The following CCDC148 variants were observed in gnomAD, a reference collection of about 807,000 sequenced individuals.
CCDC148 encodes coiled-coil domain containing 148.
CCDC148 carries 89 observed loss-of-function variants against 85.7 expected under a neutral mutation model. The ratio of observed to expected loss-of-function variants is 1.04; its 90% CI spans 0.87 to 1.24. The LOEUF (loss-of-function observed/expected upper bound fraction) is 1.24, where lower values mean the gene tolerates loss of function less well. CCDC148 is among the 50% of genes most tolerant of loss of function. CCDC148 has a pLI of 0.00. For synonymous variants in CCDC148, 230 were observed against 213.9 expected (o/e 1.08, Z -0.66); for missense variants, 692 against 671.7 (o/e 1.03, Z -0.33).
intron 7 of CCDC148, among the ~76,000 whole-genome samples, chr2:158,316,604 TATAA>T (rs1692293507): frequency 6.6e-6 from 1 of 152,230 alleles, no homozygotes; most frequent in African/African-American, 2.4e-5. Flanking sequence ...GGAAATGATA[TATAA>T]ATACTCACAA....
chr2:158,336,871 G>A (rs561398081), intron 7 of CCDC148, among the ~76,000 whole-genome samples: 145 of 152,116 alleles, frequency 9.5e-4, no homozygotes, highest in African/African-American at 3.1e-3. Context: ...CCTCCCCACC[G>A]TCTTCTGCCT....
At chr2:158,351,457 T>A (rs562328642) in intron 2 of CCDC148, among the ~76,000 whole-genome samples, 124 of 36,082 alleles carry the variant, frequency 3.4e-3, no homozygotes, top group African/African-American at 0.012. Context: ...CCTTTCCGAG[T>A]CAAAGAAAGG....
At chr2:158,284,726 C>A (rs1407314052) in intron 9 of CCDC148, among the ~76,000 whole-genome samples, 1 of 152,158 alleles carries the variant, frequency 6.6e-6, no homozygotes, top group African/African-American at 2.4e-5. Context: ...CAAATTATTT[C>A]TGTGAGCATT....
At chr2:158,357,765 T>C (rs1683737366) in intron 2 of CCDC148, among the ~76,000 whole-genome samples, 1 of 152,038 alleles carries the variant, frequency 6.6e-6, no homozygotes, top group Non-Finnish European at 1.5e-5. Context: ...ATATTAACAA[T>C]AAAAGGCAAA....
chr2:158,326,563 T>G (rs1692788554), intron 7 of CCDC148, among the ~76,000 whole-genome samples: 1 of 152,184 alleles, frequency 6.6e-6, no homozygotes, highest in South Asian at 2.1e-4. Flanking sequence ...TTGCTCCATT[T>G]TCCTTTTGGC....
intron 1 of CCDC148, among the ~76,000 whole-genome samples, chr2:158,418,743 C>A (rs888782517): frequency 3.3e-5 from 5 of 151,584 alleles, no homozygotes; most frequent in African/African-American, 1.2e-4. Flanking sequence ...TGTCTTTCCT[C>A]ACTAGAATAG....
chr2:158,258,856 C>T (rs537896638), intron 9 of CCDC148, among the ~76,000 whole-genome samples: 2 of 151,994 alleles, frequency 1.3e-5, no homozygotes, highest in South Asian at 4.1e-4. Flanking sequence ...TGTCCACACT[C>T]CCACCTCCCT....
chr2:158,454,614 A>T (rs572577071), intron 1 of CCDC148, among the ~76,000 whole-genome samples: 8 of 152,356 alleles, frequency 5.3e-5, no homozygotes, highest in African/African-American at 1.9e-4. Flanking sequence ...GCTTCAGGAG[A>T]GCAGACATTG....
chr2:158,408,039 G>C (rs1342595095), intron 1 of CCDC148, among the ~76,000 whole-genome samples: 1 of 152,090 alleles, frequency 6.6e-6, no homozygotes, highest in Non-Finnish European at 1.5e-5. Flanking sequence ...AGTTTTTCAA[G>C]TTCCATTCAA....
chr2:158,173,169 C>G (rs1388055941), intron 13 of CCDC148, among the ~76,000 whole-genome samples: 1 of 151,930 alleles, frequency 6.6e-6, no homozygotes, highest in African/African-American at 2.4e-5. Flanking sequence ...ATTGAACTAC[C>G]CTTAAAGTCC....
chr2:158,382,067 T>C (rs763052376), intron 1 of CCDC148, among the ~76,000 whole-genome samples: 9 of 152,094 alleles, frequency 5.9e-5, no homozygotes, highest in Admixed American at 1.3e-4. Context: ...AGTGTGTATT[T>C]GCCCCTTCCA....
intron 2 of CCDC148, among the ~76,000 whole-genome samples, 173 bp downstream of exon 2, chr2:158,358,276 T>C (rs1296593640): frequency 6.6e-6 from 1 of 152,230 alleles, no homozygotes; most frequent in African/African-American, 2.4e-5. Context: ...GTAAACTATA[T>C]AATGGTGTCC....
chr2:158,171,370 TTGAG>T lies in CCDC148; in HGVS notation c.*739_*742del, dbSNP rs1319091221. On this transcript the variant is annotated 3_prime_UTR_variant, in exon 14 of 14. Transcript: ENST00000283233. ...TTTAGAAATAGTCAAATATTTATGT[TTGAG>T]TTTTATTTTAAATGCTCCTTTTCTA... is the stretch of plus-strand genomic sequence containing the variant. 1 of 152,006 alleles carries T rather than the reference TTGAG, an allele frequency of 6.6e-6. No individual in the cohort carries two copies. The highest frequency in any genetic ancestry group is 2.4e-5 in the African/African-American group (1 of 41,426). The allele number at this position is 152,006 out of a possible 1,614,324, so 9.4% of individuals were successfully genotyped here.
intron 11 of CCDC148, among the ~76,000 whole-genome samples, chr2:158,211,637 C>T (rs1336990176): frequency 3.3e-5 from 5 of 152,138 alleles, no homozygotes; most frequent in Non-Finnish European, 7.4e-5. Context: ...GTAAAAGCAG[C>T]CTAAACTACT....
intron 11 of CCDC148, among the ~76,000 whole-genome samples, chr2:158,196,639 G>A (rs1043375853): frequency 1.3e-5 from 2 of 152,158 alleles, no homozygotes; most frequent in African/African-American, 4.8e-5. Flanking sequence ...GCCTGTGGAA[G>A]CACAACCTAT....
intron 1 of CCDC148, among the ~76,000 whole-genome samples, chr2:158,404,876 CA>C (rs1685934492): frequency 6.6e-6 from 1 of 152,008 alleles, no homozygotes; most frequent in Non-Finnish European, 1.5e-5. Context: ...AGAGTGGAAT[CA>C]ATGAACAATT....
chr2:158,178,996 C>G lies in CCDC148; in HGVS notation c.1371G>C (p.Arg457Ser), dbSNP rs939721310. ...IAEQSLKDRE[R>S]VKYRQELLER... ...CCAATAATTCTTGTCTATATTTAAC[C>G]CTTTAAAAATAACACAGAAGGAAGT... The change falls in exon 12 of 14, where the codon AGG becomes AGC. Residue 457 changes from arginine to serine, a missense_variant and splice_region_variant. Arg to Ser is a moderately radical substitution (Grantham distance 110). Coordinates refer to ENST00000283233, the MANE Select transcript of CCDC148 (RefSeq NM_138803.4). 6.2e-7 allele frequency: 1 copy of G among 1,603,286 alleles called. No individual in the cohort carries two copies. The highest frequency in any genetic ancestry group is 1.3e-5 in the African/African-American group (1 of 74,546).
rs372085441 is a variant in CCDC148, at chr2:158,313,840, C to T, written c.819G>A (p.Gln273=). The change falls in exon 8 of 14, where the codon CAG becomes CAA. Residue 273 remains glutamine, a synonymous_variant. Transcript: ENST00000283233. ...TTCTTCCAAAGAGATCTCCAGGGTA[C>T]TGATCCAAAATAGCCTGGTAAATCC... The part of the protein sequence containing the change: ...DHWIYQAILD[Q]YPGDLFGRRT... 2.5e-6 allele frequency: 4 copies of T among 1,613,758 alleles called. No homozygotes were observed. The highest frequency in any genetic ancestry group is 3.4e-6 in the Non-Finnish European group (4 of 1,179,892).
intron 7 of CCDC148, among the ~76,000 whole-genome samples, chr2:158,336,205 T>C (rs888729439): frequency 1.3e-5 from 2 of 152,190 alleles, no homozygotes; most frequent in African/African-American, 2.4e-5. Flanking sequence ...TGATTGAACC[T>C]ATAATTCATT....
Sources: gnomAD v4.1 joint callset for allele counts (sites outside exome capture counted in the v4.1 genomes callset) on GRCh38, gnomAD v4.1.1 for gene constraint, MANE v1.5 for transcripts, NCBI Gene and HGNC (gene_info 2026-07-23, HGNC 2026-07-21) for gene names.